CYP2C18: variants seen among roughly 807,000 people sequenced by gnomAD.
CYP2C18 encodes the protein cytochrome P450 family 2 subfamily C member 18.
A neutral mutation model predicts 41.3 loss-of-function variants in CYP2C18; 38 were observed. The ratio of observed to expected loss-of-function variants is 0.92; its 90% CI spans 0.71 to 1.21. CYP2C18 has a LOEUF of 1.21. Among genes scored for constraint, CYP2C18 ranks in the 50% most tolerant of loss-of-function variants. CYP2C18 has a pLI of 0.00. For missense variants in CYP2C18, 635 were observed against 591.4 expected (o/e 1.07, Z -0.77); for synonymous variants, 236 against 210.0 (o/e 1.12, Z -1.07).
rs186708812 is a variant in CYP2C18, at chr10:94,702,925, G to A, written c.643-3859G>A. Among the ~76,000 whole-genome samples, 135 of 152,184 alleles carry A rather than the reference G, an allele frequency of 8.9e-4. 1 individual carries two copies. Among genetic ancestry groups the A allele is most frequent in the African/African-American group, 3.1e-3 (130 of 41,532 alleles). On this transcript the variant is annotated intron_variant, in intron 4 of 8. Transcript: ENST00000285979. ...CTTCGGATGGAGTTTTTGCATGGTC[G>A]TCCATTTTGTTGATTTTGATGTTAT...
At position 94,729,787 on chromosome 10, in the gene CYP2C18, C is replaced by G. The variant is rs1172807694; in HGVS notation, c.1150-3510C>G. On this transcript the variant is annotated intron_variant, in intron 7 of 8. Coordinates refer to ENST00000285979, the MANE Select transcript of CYP2C18 (RefSeq NM_000772.3). ...GCTGCGTGGGAAAAATGAGGGAGGA[C>G]TTTTGTATCTAGGGTTTTAGCAAGT... 2.9e-4 allele frequency among the ~76,000 whole-genome samples: 44 copies of G among 151,994 alleles called. 1 individual carries two copies. Among genetic ancestry groups the G allele is most frequent in the Admixed American group, 2.8e-3 (43 of 15,250 alleles).
intron 1 of CYP2C18, 118 bp downstream of exon 1, chr10:94,684,105 T>C (rs1846838930): frequency 1.5e-6 from 1 of 676,344 alleles, no homozygotes; most frequent in Non-Finnish European, 2.3e-6. Flanking sequence ...TGGGGTACAA[T>C]ATTACATTTT....
At chr10:94,690,199 C>T (rs74152315) in intron 3 of CYP2C18, among the ~76,000 whole-genome samples, 3,841 of 152,236 alleles carry the variant, frequency 0.025, 146 homozygotes, top group African/African-American at 0.075. Flanking sequence ...TTTAAAACAA[C>T]TGGATTTGGG....
intron 1 of CYP2C18, among the ~76,000 whole-genome samples, chr10:94,684,275 C>T (rs781542645): frequency 2.6e-5 from 4 of 152,082 alleles, no homozygotes; most frequent in Non-Finnish European, 5.9e-5. Flanking sequence ...ACCTTGCTGT[C>T]CAATAGAACA....
At chr10:94,712,498 C>T (rs1246188148) in intron 5 of CYP2C18, among the ~76,000 whole-genome samples, 1 of 152,064 alleles carries the variant, frequency 6.6e-6, no homozygotes, top group Non-Finnish European at 1.5e-5. Flanking sequence ...AGTTCCATCC[C>T]TGTTATCACA....
intron 4 of CYP2C18, among the ~76,000 whole-genome samples, chr10:94,703,308 G>GT (rs1222743627): frequency 1.3e-5 from 2 of 152,208 alleles, no homozygotes; most frequent in African/African-American, 4.8e-5. Context: ...AGGCAGAAAC[G>GT]TTTAAGTCTG....
At chr10:94,702,403 C>A (rs1194101599) in intron 4 of CYP2C18, among the ~76,000 whole-genome samples, 2 of 152,056 alleles carry the variant, frequency 1.3e-5, no homozygotes, top group East Asian at 3.9e-4. Context: ...TTCACTTAGT[C>A]CCATATTTCC....
chr10:94,702,121 T>C (rs574738167), intron 4 of CYP2C18, among the ~76,000 whole-genome samples: 1 of 152,328 alleles, frequency 6.6e-6, no homozygotes, highest in East Asian at 1.9e-4. Context: ...TCTAATGGGC[T>C]TCCCTTTGTG....
chr10:94,720,444 A>G lies in CYP2C18; in HGVS notation c.868A>G (p.Thr290Ala), dbSNP rs757939253. ...SEFTVESLIA[T>A]VTDMFGAGTE... ...ATTTACTGTTGAAAGCTTGATAGCCACTGTAACTGATATGTTTGGGGCTGG... is the reference window on the plus strand; with the variant it reads ...ATTTACTGTTGAAAGCTTGATAGCCGCTGTAACTGATATGTTTGGGGCTGG... Residue 290 changes from threonine (T) to alanine (A), a missense_variant, in exon 6 of 9, where the codon ACT becomes GCT. Transcript: ENST00000285979. 20 of 1,612,712 alleles carry G rather than the reference A, an allele frequency of 1.2e-5. No homozygotes were observed. The highest frequency in any genetic ancestry group is 3.3e-5 in the Admixed American group (2 of 59,928).
intron 7 of CYP2C18, among the ~76,000 whole-genome samples, chr10:94,725,231 C>T (rs1847719784): frequency 6.6e-6 from 1 of 151,316 alleles, no homozygotes; most frequent in Non-Finnish European, 1.5e-5. Flanking sequence ...TGTGCCACTG[C>T]ACCTGGCTTT....
intron 4 of CYP2C18, among the ~76,000 whole-genome samples, chr10:94,700,183 C>T (rs913620262): frequency 2.0e-5 from 3 of 152,126 alleles, no homozygotes; most frequent in East Asian, 3.9e-4. Flanking sequence ...AATCCTAAGC[C>T]GAAAGAACAA....
Position 94,724,396 on chromosome 10 carries a change from T to C in CYP2C18, c.1012T>C (p.Cys338Arg), listed in dbSNP as rs41286882. ...TGTAGTTGGCAGAAACCGGAGCCCC[T>C]GTATGCAGGACAGGAGTCACATGCC... The part of the protein sequence containing the change: ...ECVVGRNRSP[C>R]MQDRSHMPYT... Residue 338 changes from cysteine to arginine, a missense_variant, in exon 7 of 9, where the codon TGT becomes CGT. Coordinates refer to ENST00000285979, the MANE Select transcript of CYP2C18 (RefSeq NM_000772.3). The C allele has an allele frequency of 2.4e-3, 3,858 of 1,613,576 alleles. 13 individuals carry two copies. The highest frequency in any genetic ancestry group is 3.0e-3 in the Non-Finnish European group (3,551 of 1,179,688).
chr10:94,704,193 C>G lies in CYP2C18; in HGVS notation c.643-2591C>G, dbSNP rs561770385. Among the ~76,000 whole-genome samples the G allele has an allele frequency of 2.6e-5, 4 of 152,246 alleles. No individual in the cohort carries two copies. In the South Asian group the frequency reaches 8.3e-4, roughly 32 times the overall value. ...CTTATTTGGCCATCTTGCCCCAATC[C>G]CAGTCCAGAACTTTGTATGTACCAA... On this transcript the variant is annotated intron_variant, in intron 4 of 8. Transcript: ENST00000285979.
chr10:94,692,749 T>C (rs1847029478), intron 3 of CYP2C18, among the ~76,000 whole-genome samples: 1 of 152,076 alleles, frequency 6.6e-6, no homozygotes, highest in Non-Finnish European at 1.5e-5. Flanking sequence ...CTATTCACAA[T>C]AACAAAGACT....
intron 5 of CYP2C18, among the ~76,000 whole-genome samples, chr10:94,717,068 T>C (rs1351276530): frequency 4.6e-5 from 7 of 152,214 alleles, no homozygotes; most frequent in Non-Finnish European, 8.8e-5. Context: ...TTTGAGTCTG[T>C]GTGTGTCTCT....
In CYP2C18 at chr10:94,687,925, A is replaced by G. The variant is rs1002881931; in HGVS notation, c.324A>G (p.Lys108=). The change falls in exon 2 of 9, where the codon AAA becomes AAG. Residue 108 remains lysine (K), a synonymous_variant. Coordinates refer to ENST00000285979, the MANE Select transcript of CYP2C18 (RefSeq NM_000772.3). ...TTCCAGTGGCTGAAAAAGTTAACAA[A>G]GGACTTGGTAAATGTGCATGTATCG... is the stretch of plus-strand genomic sequence containing the variant. The part of the protein sequence containing the change: ...GSFPVAEKVN[K]GLGILFSNGK... 5 of 1,613,558 alleles carry G rather than the reference A, an allele frequency of 3.1e-6. No homozygotes were observed. Among genetic ancestry groups the G allele is most frequent in the South Asian group, 1.1e-5 (1 of 91,036 alleles).
At chr10:94,726,433 A>T (rs144952893) in intron 7 of CYP2C18, among the ~76,000 whole-genome samples, 3,827 of 152,128 alleles carry the variant, frequency 0.025, 145 homozygotes, top group African/African-American at 0.075. Context: ...AAGTGAGAAC[A>T]TGCGGTGTTT....
rs1421956546 is a variant in CYP2C18, at chr10:94,735,526, T to C, written c.*82T>C. On this transcript the variant is annotated 3_prime_UTR_variant, in exon 9 of 9. Coordinates refer to ENST00000285979, the MANE Select transcript of CYP2C18 (RefSeq NM_000772.3). ...GGGCCATTGGCCTCTCCCTTCTCTCTGTGAGGGATATTTTCTCTGACTTGT... is the reference window on the plus strand; with the variant it reads ...GGGCCATTGGCCTCTCCCTTCTCTCCGTGAGGGATATTTTCTCTGACTTGT... The C allele has an allele frequency of 1.5e-6, 2 of 1,348,588 alleles. No homozygotes were observed. Among genetic ancestry groups the C allele is most frequent in the Admixed American group, 1.8e-5 (1 of 54,100 alleles). The allele number at this position is 1,348,588 out of a possible 1,614,324, so 83.5% of individuals were successfully genotyped here.
rs1177044213 is a variant in CYP2C18, at chr10:94,733,369, G to C, written c.1222G>C (p.Asp408His). 1 of 1,613,286 alleles carries C rather than the reference G, an allele frequency of 6.2e-7. No individual in the cohort carries two copies. The highest frequency in any genetic ancestry group is 8.5e-7 in the Non-Finnish European group (1 of 1,179,566). Residue 408 changes from aspartate (D) to histidine (H), a missense_variant, in exon 8 of 9, where the codon GAC (aspartate) becomes CAC (histidine). Physicochemically the swap from Asp to His is moderately conservative, Grantham distance 81. Transcript: ENST00000285979. Reference protein sequence around the residue: ...DKEFPNPEMFDPGHFLDKSGN... With the variant: ...DKEFPNPEMFHPGHFLDKSGN... ...AGAATTCCCCAACCCAGAGATGTTTGACCCTGGCCACTTTCTGGATAAGAG... is the reference window on the plus strand; with the variant it reads ...AGAATTCCCCAACCCAGAGATGTTTCACCCTGGCCACTTTCTGGATAAGAG...
Sources: allele counts gnomAD v4.1 joint callset (sites outside exome capture counted in the v4.1 genomes callset), GRCh38; gene constraint gnomAD v4.1.1; transcripts MANE v1.5; gene names NCBI Gene and HGNC (gene_info 2026-07-23, HGNC 2026-07-21).